Variants in SDK1 observed in about 807,000 individuals in gnomAD.
SDK1 encodes protein sidekick-1.
SDK1 carries 157 observed loss-of-function variants against 245.5 expected under a neutral mutation model. The observed-to-expected ratio is 0.64, with a 90% CI of 0.56 to 0.73. SDK1 has a LOEUF of 0.73. SDK1 is among the 30% of genes least tolerant of loss of function. SDK1 has a pLI of 0.00. For synonymous variants in SDK1, 1,647 were observed against 1,278.5 expected (o/e 1.29, Z -6.15); for missense variants, 3,583 against 3,002.3 (o/e 1.19, Z -4.52).
At chr7:4,060,906 A>C (rs10951424) in intron 19 of SDK1, among the ~76,000 whole-genome samples, 48,763 of 150,352 alleles carry the variant, frequency 0.32, 12,717 homozygotes, top group African/African-American at 0.73. Context: ...GGAATCCTTT[A>C]CCCATTGCTT....
chr7:3,680,158 G>T (rs969448403), intron 4 of SDK1, among the ~76,000 whole-genome samples: 2 of 152,166 alleles, frequency 1.3e-5, no homozygotes, highest in Non-Finnish European at 1.5e-5. Context: ...GATCTCAGGG[G>T]CATCATGCTT....
chr7:3,618,484 G>C (rs1254420029), intron 1 of SDK1, among the ~76,000 whole-genome samples: 1 of 152,182 alleles, frequency 6.6e-6, no homozygotes, highest in Non-Finnish European at 1.5e-5. Context: ...GTGTTGCTAT[G>C]TGTAGCAATT....
At chr7:3,421,064 T>G (rs927694355) in intron 1 of SDK1, among the ~76,000 whole-genome samples, 2 of 152,004 alleles carry the variant, frequency 1.3e-5, no homozygotes, top group Non-Finnish European at 2.9e-5. Flanking sequence ...ATCAATTTTT[T>G]TTTTTTTAAC....
intron 1 of SDK1, among the ~76,000 whole-genome samples, chr7:3,518,076 T>C (rs1023525910): frequency 1.3e-5 from 2 of 152,130 alleles, no homozygotes; most frequent in Non-Finnish European, 2.9e-5. Context: ...CAAAGTGTTT[T>C]AGTAAGATAT....
chr7:4,188,755 A>T (rs867773268), intron 35 of SDK1, among the ~76,000 whole-genome samples: 7 of 151,340 alleles, frequency 4.6e-5, no homozygotes, highest in African/African-American at 1.7e-4. Flanking sequence ...GCATGAAGTG[A>T]GCTTCTAAAT....
chr7:4,115,201 G>A (rs947429969), intron 25 of SDK1, among the ~76,000 whole-genome samples: 1 of 152,216 alleles, frequency 6.6e-6, no homozygotes, highest in Non-Finnish European at 1.5e-5. Flanking sequence ...GTGAGGTTCT[G>A]TCTGGAGAAG....
At chr7:3,849,128 A>G (rs535273429) in intron 5 of SDK1, among the ~76,000 whole-genome samples, 1 of 152,138 alleles carries the variant, frequency 6.6e-6, no homozygotes, top group East Asian at 1.9e-4. Flanking sequence ...TCCCTTTCAA[A>G]GGTTTCCTTT....
At chr7:3,733,058 G>A (rs113029083) in intron 4 of SDK1, among the ~76,000 whole-genome samples, 20 of 152,270 alleles carry the variant, frequency 1.3e-4, no homozygotes, top group African/African-American at 4.6e-4. Flanking sequence ...AATCATTATT[G>A]CTTATCACCA....
intron 16 of SDK1, among the ~76,000 whole-genome samples, chr7:4,016,055 A>G (rs1786374763): frequency 6.6e-6 from 1 of 152,208 alleles, no homozygotes; most frequent in East Asian, 1.9e-4. Context: ...CTTCGGTGTC[A>G]GCAGCCTTAC....
intron 22 of SDK1, among the ~76,000 whole-genome samples, chr7:4,104,219 C>G (rs111898155): frequency 0.011 from 1,707 of 152,280 alleles, 39 homozygotes; most frequent in African/African-American, 0.039. Flanking sequence ...ACCACCACAC[C>G]TAGCTAGATT....
At chr7:3,845,692 C>CT (rs773625554) in intron 5 of SDK1, among the ~76,000 whole-genome samples, 3,808 of 141,756 alleles carry the variant, frequency 0.027, 66 homozygotes, top group South Asian at 0.039. Context: ...CGTGCTTCTC[C>CT]TTTTTTTTTT....
At chr7:3,377,125 T>C (rs1271936730) in intron 1 of SDK1, among the ~76,000 whole-genome samples, 1 of 152,220 alleles carries the variant, frequency 6.6e-6, no homozygotes, top group African/African-American at 2.4e-5. Flanking sequence ...GATTCTGTTC[T>C]GTAGTGGGTG....
chr7:3,682,597 C>T (rs920506046), intron 4 of SDK1, among the ~76,000 whole-genome samples: 1 of 8,288 alleles, frequency 1.2e-4, no homozygotes, highest in Non-Finnish European at 3.6e-4. Context: ...GCCTCTCCTT[C>T]CTGTGTTCTT....
chr7:4,157,128 C>T (rs919374663), intron 30 of SDK1, among the ~76,000 whole-genome samples: 14 of 152,014 alleles, frequency 9.2e-5, no homozygotes, highest in Non-Finnish European at 1.6e-4. Context: ...GGTCCCTGAC[C>T]GGCTGGGGCT....
At chr7:3,370,722 A>C (rs766055774) in intron 1 of SDK1, among the ~76,000 whole-genome samples, 3 of 152,220 alleles carry the variant, frequency 2.0e-5, no homozygotes, top group South Asian at 2.1e-4. Flanking sequence ...CACATGTTCT[A>C]TTCTCTGAAC....
chr7:3,347,000 C>G (rs936028548), intron 1 of SDK1, among the ~76,000 whole-genome samples: 1 of 151,168 alleles, frequency 6.6e-6, no homozygotes, highest in African/African-American at 2.4e-5. Flanking sequence ...TCCTCCTTCT[C>G]TGCTAAACTA....
intron 4 of SDK1, among the ~76,000 whole-genome samples, chr7:3,800,812 G>C (rs916784408): frequency 1.6e-4 from 24 of 152,262 alleles, no homozygotes; most frequent in African/African-American, 5.8e-4. Flanking sequence ...CATACCTTTT[G>C]AGATAGCTTA....
Position 3,960,207 on chromosome 7 carries a change from A to G in SDK1, c.1234+1193A>G, listed in dbSNP as rs561091460. On this transcript the variant is annotated intron_variant, in intron 8 of 44. Coordinates refer to ENST00000404826, the MANE Select transcript of SDK1 (RefSeq NM_152744.4). ...CATGGTTAAGTACAGTGCCAAAGGC[A>G]CTGGGCCACTCAATGAAATGGGATC... Among the ~76,000 whole-genome samples the G allele has an allele frequency of 8.0e-4, 122 of 152,346 alleles. 1 individual carries two copies. Among genetic ancestry groups the G allele is most frequent in the Non-Finnish European group, 9.4e-4 (64 of 68,032 alleles).
chr7:3,855,149 T>A (rs1780513939), intron 5 of SDK1, among the ~76,000 whole-genome samples: 1 of 151,974 alleles, frequency 6.6e-6, no homozygotes, highest in African/African-American at 2.4e-5. Context: ...CAGAAGATGA[T>A]CTAGATAAGA....
Sources: allele counts gnomAD v4.1 joint callset (sites outside exome capture counted in the v4.1 genomes callset), GRCh38; gene constraint gnomAD v4.1.1; transcripts MANE v1.5; gene names NCBI Gene and HGNC (gene_info 2026-07-23, HGNC 2026-07-21).